WDR3: variants seen among roughly 807,000 people sequenced by gnomAD.
WDR3 encodes WD repeat domain 3.
Under a neutral mutation model 123.7 loss-of-function variants are expected in WDR3, and 81 were observed. The observed-to-expected ratio is 0.65, with a 90% CI of 0.55 to 0.79. The LOEUF (loss-of-function observed/expected upper bound fraction) is 0.79, where lower values mean the gene tolerates loss of function less well. Among genes scored for constraint, WDR3 ranks in the 30% least tolerant of loss-of-function variants. The pLI is 0.00. For missense variants in WDR3, 1,027 were observed against 1,123.2 expected (o/e 0.91, Z 1.22); for synonymous variants, 390 against 388.8 (o/e 1.00, Z -0.04).
intron 1 of WDR3, among the ~76,000 whole-genome samples, chr1:117,931,181 TC>T (rs993664200): frequency 6.6e-6 from 1 of 152,202 alleles, no homozygotes; most frequent in African/African-American, 2.4e-5. Context: ...GGCCTTGGCC[TC>T]CCAAAGTGCT....
At chr1:117,959,218 CCTAA>C (rs1652669766) in intron 26 of WDR3, 70 bp from the exon 27 acceptor site, 1 of 1,526,528 alleles carries the variant, frequency 6.6e-7, no homozygotes, top group Non-Finnish European at 8.8e-7. Context: ...CTTTGGTTAC[CCTAA>C]CTCTCATACG....
At chr1:117,948,036 T>C (rs746070277) in intron 12 of WDR3, among the ~76,000 whole-genome samples, 1 of 152,226 alleles carries the variant, frequency 6.6e-6, no homozygotes, top group Non-Finnish European at 1.5e-5. Context: ...CTTAAAGGAT[T>C]GGCTAAACTT....
At position 117,952,350 on chromosome 1, in the gene WDR3, A is replaced by G; in HGVS notation, c.1958A>G (p.Lys653Arg). The part of the protein sequence containing the change: ...PKSHLFFTAG[K>R]DHKIKQWDAD... Reference sequence around the variant, plus strand: ...TCTCACCTCTTCTTCACTGCCGGAAAAGATCATAAGATTAAACAGTGGGAT... The same window carrying G: ...TCTCACCTCTTCTTCACTGCCGGAAGAGATCATAAGATTAAACAGTGGGAT... Residue 653 changes from lysine to arginine, a missense_variant, in exon 18 of 27, where the codon AAA becomes AGA. Lys to Arg is a conservative substitution (Grantham distance 26). Transcript: ENST00000349139. 1 of 1,613,466 alleles carries G rather than the reference A, an allele frequency of 6.2e-7. No individual in the cohort carries two copies. The highest frequency in any genetic ancestry group is 2.2e-5 in the East Asian group (1 of 44,868).
Position 117,936,845 on chromosome 1 carries a change from C to T in WDR3, c.458C>T (p.Thr153Ile). The change falls in exon 4 of 27, where the codon ACA becomes ATA. Residue 153 changes from threonine (T) to isoleucine (I), a missense_variant. By Grantham distance (89) the Thr-to-Ile change is moderately conservative (BLOSUM62 -1). Transcript: ENST00000349139. ...CTAAAGGGGCACAAGGATGCCATCA[C>T]ACAAGCATTGTTTCTACGAGAAAAG... ...YRLKGHKDAI[T>I]QALFLREKNL... 1.2e-6 allele frequency: 2 copies of T among 1,613,420 alleles called. No homozygotes were observed. The highest frequency in any genetic ancestry group is 1.7e-6 in the Non-Finnish European group (2 of 1,179,488).
chr1:117,957,018 TAAC>T (rs759674192), intron 24 of WDR3, 47 bp from the exon 25 acceptor site: 25 of 1,485,642 alleles, frequency 1.7e-5, no homozygotes, highest in Non-Finnish European at 3.6e-6. Flanking sequence ...TTGACCATGT[TAAC>T]AACGTTAACA....
Position 117,960,109 on chromosome 1 carries a change from CGTGTGTGTGTGTGT to C in WDR3, c.*687_*700del, listed in dbSNP as rs3059173. ...TGGGCTTCTGAGGAATTAATACACT[CGTGTGTGTGTGTGT>C]GTGTGTGTGTGTGTGTGTGTGTGTA... On this transcript the variant is annotated 3_prime_UTR_variant, in exon 27 of 27. Coordinates refer to ENST00000349139, the MANE Select transcript of WDR3 (RefSeq NM_006784.3). 4 of 144,504 alleles carry C rather than the reference CGTGTGTGTGTGTGT, an allele frequency of 2.8e-5. No individual in the cohort carries two copies. Among genetic ancestry groups the C allele is most frequent in the East Asian group, 4.2e-4 (2 of 4,752 alleles). The allele number at this position is 144,504 out of a possible 1,614,324, so 9.0% of individuals were successfully genotyped here.
At position 117,952,930 on chromosome 1, in the gene WDR3, A is replaced by G; in HGVS notation, c.2152-16A>G. The G allele has an allele frequency of 6.2e-7, 1 of 1,612,750 alleles. No homozygotes were observed. The highest frequency in any genetic ancestry group is 8.5e-7 in the Non-Finnish European group (1 of 1,179,202). On this transcript the variant is annotated splice_polypyrimidine_tract_variant and intron_variant, in intron 19 of 26. Coordinates refer to ENST00000349139, the MANE Select transcript of WDR3 (RefSeq NM_006784.3). ...GTTTTTTTCTCTCAAATTAATGTAT[A>G]TCTATCTCATGGCAGGAAAGAGAAG...
chr1:117,955,472 C>G, intron 24 of WDR3, 114 bp downstream of exon 24: 1 of 975,434 alleles, frequency 1.0e-6, no homozygotes, highest in Non-Finnish European at 1.5e-6. Flanking sequence ...ATAGGTTTAA[C>G]TATATCAAAG....
In WDR3 at chr1:117,961,688, T is replaced by A. The variant is rs1437753601; in HGVS notation, c.*2241T>A. On this transcript the variant is annotated 3_prime_UTR_variant, in exon 27 of 27. Transcript: ENST00000349139. ...CGATTTGTGTCCCAAACCACAAGTC[T>A]TAATGTTCTTGAGCATAACACAATC... The A allele has an allele frequency of 1.3e-5, 2 of 152,180 alleles. No individual in the cohort carries two copies. The highest frequency in any genetic ancestry group is 2.9e-5 in the Non-Finnish European group (2 of 68,036). The allele number at this position is 152,180 out of a possible 1,614,324, so 9.4% of individuals were successfully genotyped here.
chr1:117,942,477 A>G lies in WDR3; in HGVS notation c.1030A>G (p.Asn344Asp), dbSNP rs1265210770. 1.9e-6 allele frequency: 3 copies of G among 1,614,040 alleles called. No individual in the cohort carries two copies. Among genetic ancestry groups the G allele is most frequent in the Non-Finnish European group, 2.5e-6 (3 of 1,179,940 alleles). ...SKGEEEDPEVNVEMSLQDEIQ... is the reference protein window; with the variant it reads ...SKGEEEDPEVDVEMSLQDEIQ... ...AGGAGAGGAGGAAGATCCTGAGGTT[A>G]ATGTTGAAATGAGTCTGCAAGATGA... The change falls in exon 10 of 27, where the codon AAT becomes GAT. Residue 344 changes from asparagine to aspartate, a missense_variant. Transcript: ENST00000349139.
rs1024626608 is a variant in WDR3, at chr1:117,936,850, G to A, written c.463G>A (p.Ala155Thr). The A allele has an allele frequency of 1.2e-5, 19 of 1,613,154 alleles. No homozygotes were observed. The highest frequency in any genetic ancestry group is 4.0e-5 in the African/African-American group (3 of 74,900). ...LKGHKDAITQ[A>T]LFLREKNLLV... The stretch of plus-strand genomic sequence containing the variant: ...GGGGCACAAGGATGCCATCACACAA[G>A]CATTGTTTCTACGAGAAAAGAACCT... Residue 155 changes from alanine (A) to threonine (T), a missense_variant, in exon 4 of 27, where the codon GCA becomes ACA. Ala to Thr is a moderately conservative substitution (Grantham distance 58). Transcript: ENST00000349139.
chr1:117,946,064 C>A, intron 11 of WDR3, 22 bp from the exon 12 acceptor site: 1 of 1,579,330 alleles, frequency 6.3e-7, no homozygotes, highest in African/African-American at 1.4e-5. Context: ...AACATGAGTT[C>A]TTTATTTTTT....
intron 3 of WDR3, among the ~76,000 whole-genome samples, chr1:117,935,777 A>C (rs1206101522): frequency 1.3e-5 from 2 of 152,040 alleles, no homozygotes; most frequent in African/African-American, 4.8e-5. Context: ...AAATAAATTA[A>C]AAAAGGAAAC....
In WDR3 at chr1:117,959,269, A is replaced by G. The variant is rs1377081217; in HGVS notation, c.2677-23A>G. 8.8e-6 allele frequency: 14 copies of G among 1,594,930 alleles called. No homozygotes were observed. In the Middle Eastern group the frequency reaches 5.0e-4, roughly 57 times the overall value. On this transcript the variant is annotated intron_variant, in intron 26 of 26. Transcript: ENST00000349139. ...AATTGAAGTGGGAGAAAATTTTTTA[A>G]TATTTCTTGTATTGCACTCCAGGAT... is the stretch of plus-strand genomic sequence containing the variant.
At position 117,966,407 on chromosome 1, in the gene WDR3, C is replaced by T. The variant is rs1020460015; in HGVS notation, c.*6960C>T. The stretch of plus-strand genomic sequence containing the variant: ...ATTTATTCAATCTGAAGTTACTGCA[C>T]ATATACTATGTGTCAGGTATTTTTT... On this transcript the variant is annotated 3_prime_UTR_variant, in exon 27 of 27. Coordinates refer to ENST00000349139, the MANE Select transcript of WDR3 (RefSeq NM_006784.3). The T allele has an allele frequency of 2.0e-5, 9 of 461,334 alleles. No individual in the cohort carries two copies. Among genetic ancestry groups the T allele is most frequent in the Non-Finnish European group, 2.6e-5 (7 of 265,138 alleles). The allele number at this position is 461,334 out of a possible 1,614,324, so 28.6% of individuals were successfully genotyped here.
Position 117,950,041 on chromosome 1 carries a change from C to G in WDR3, c.1657C>G (p.Leu553Val). 6.2e-7 allele frequency: 1 copy of G among 1,613,848 alleles called. No individual in the cohort carries two copies. Among genetic ancestry groups the G allele is most frequent in the Non-Finnish European group, 8.5e-7 (1 of 1,179,908 alleles). Reference sequence around the variant, plus strand: ...AACTTTGCAACTAGATGAAGATGTTCTGTGTGTCAGTTACTCTCCCAATCA... The same window carrying G: ...AACTTTGCAACTAGATGAAGATGTTGTGTGTGTCAGTTACTCTCCCAATCA... ...TRTLQLDEDV[L>V]CVSYSPNQKL... Residue 553 changes from leucine (L) to valine (V), a missense_variant, in exon 15 of 27, where the codon CTG becomes GTG. Physicochemically the swap from Leu to Val is conservative, Grantham distance 32 (BLOSUM62 1). Transcript: ENST00000349139.
chr1:117,959,095 AC>A, intron 26 of WDR3, 92 bp downstream of exon 26: 1 of 1,336,310 alleles, frequency 7.5e-7, no homozygotes. Context: ...CTTTAGCAAT[AC>A]CCACCACCGA....
rs548363279 is a variant in WDR3 at position 117,941,573 on chromosome 1, G to A, written c.892-177G>A. ...TTCAGCCTTCAGAGCAATGCTACAA[G>A]TAGGAAATGGTATCCTCATTTTACA... On this transcript the variant is annotated intron_variant, in intron 8 of 26. Coordinates refer to ENST00000349139, the MANE Select transcript of WDR3 (RefSeq NM_006784.3). 4.6e-5 allele frequency among the ~76,000 whole-genome samples: 7 copies of A among 152,306 alleles called. No individual in the cohort carries two copies. The South Asian group carries it at 1.2e-3, about 27-fold the overall frequency.
chr1:117,952,860 A>G (rs1410396484), intron 19 of WDR3, 86 bp from the exon 20 acceptor site: 1 of 1,522,164 alleles, frequency 6.6e-7, no homozygotes, highest in Non-Finnish European at 9.0e-7. Context: ...ATGTTGTCAA[A>G]GGAGCAGCTT....
Sources: gnomAD v4.1 joint callset for allele counts (sites outside exome capture counted in the v4.1 genomes callset) on GRCh38, gnomAD v4.1.1 for gene constraint, MANE v1.5 for transcripts, NCBI Gene and HGNC (gene_info 2026-07-23, HGNC 2026-07-21) for gene names.